Variants in INPP4B observed in about 807,000 individuals in gnomAD.
The protein encoded by INPP4B is inositol polyphosphate 4-phosphatase type II.
In INPP4B, 55 loss-of-function variants were observed where a neutral mutation model predicts 122.5. That is an observed-to-expected ratio of 0.45 (90% confidence interval 0.36 to 0.56). The LOEUF (loss-of-function observed/expected upper bound fraction) is 0.56, where lower values mean the gene tolerates loss of function less well. INPP4B is among the 20% of genes least tolerant of loss of function. INPP4B has a pLI of 0.00. For missense variants in INPP4B, 1,000 were observed against 1,097.7 expected (o/e 0.91, Z 1.26); for synonymous variants, 403 against 388.7 (o/e 1.04, Z -0.43).
At chr4:142,734,962 C>T (rs1766641868) in intron 1 of INPP4B, among the ~76,000 whole-genome samples, 1 of 152,036 alleles carries the variant, frequency 6.6e-6, no homozygotes, top group Non-Finnish European at 1.5e-5. Flanking sequence ...TAAATAATTC[C>T]TGATTTTAAA....
At chr4:142,670,616 G>A (rs1273679125) in intron 2 of INPP4B, among the ~76,000 whole-genome samples, 1 of 152,162 alleles carries the variant, frequency 6.6e-6, no homozygotes, top group Non-Finnish European at 1.5e-5. Context: ...CATGGAAGAA[G>A]AGAGTAGAAT....
intron 2 of INPP4B, among the ~76,000 whole-genome samples, chr4:142,538,469 A>G (rs777895113): frequency 4.6e-5 from 7 of 152,090 alleles, no homozygotes; most frequent in Non-Finnish European, 1.0e-4. Flanking sequence ...ACAACCATGA[A>G]CCTTTATACT....
chr4:142,817,994 G>A (rs1048275901), intron 1 of INPP4B, among the ~76,000 whole-genome samples: 1 of 152,058 alleles, frequency 6.6e-6, no homozygotes, highest in Non-Finnish European at 1.5e-5. Flanking sequence ...GAGAGTGAAA[G>A]GGAGGGAAAG....
Position 142,720,817 on chromosome 4 carries a change from A to C in INPP4B, c.-191+5022T>G, listed in dbSNP as rs56347570. Among the ~76,000 whole-genome samples the C allele has an allele frequency of 2.2e-4, 22 of 98,636 alleles. 1 individual carries two copies. The highest frequency in any genetic ancestry group is 6.8e-4 in the African/African-American group (18 of 26,634). The allele number at this position is 98,636 out of a possible 152,430, so 64.7% of individuals were successfully genotyped here. On this transcript the variant is annotated intron_variant, in intron 2 of 25. Coordinates refer to ENST00000262992, the MANE Select transcript of INPP4B (RefSeq NM_001101669.3). ...TCTCTCTCTCTCTCTCTCTATATAT[A>C]TATATATATATAGTTTTCTTATTTT...
chr4:142,660,111 C>T (rs1470831269), intron 2 of INPP4B, among the ~76,000 whole-genome samples: 2 of 152,196 alleles, frequency 1.3e-5, no homozygotes, highest in Non-Finnish European at 2.9e-5. Context: ...GTCTAGGGAA[C>T]TCCAAAGCTA....
chr4:142,654,689 A>G (rs1753799148), intron 2 of INPP4B: 1 of 152,166 alleles, frequency 6.6e-6, no homozygotes, highest in Non-Finnish European at 1.5e-5. Context: ...ATCTAACATT[A>G]CAAAGGAGAC....
rs574931320 is a variant in INPP4B, at chr4:142,114,327, T to TA, written c.2136-1646dup. On this transcript the variant is annotated intron_variant, in intron 21 of 25. Coordinates refer to ENST00000262992, the MANE Select transcript of INPP4B (RefSeq NM_001101669.3). Reference sequence around the variant, plus strand: ...TTTCATTTTCTCTTGGGGGTAAGTCTAAAAGTCATATGGTAATTTTATATT... The same window carrying TA: ...TTTCATTTTCTCTTGGGGGTAAGTCTAAAAAGTCATATGGTAATTTTATATT... Among the ~76,000 whole-genome samples the TA allele has an allele frequency of 1.3e-3, 196 of 152,178 alleles. 1 individual carries two copies. Among genetic ancestry groups the TA allele is most frequent in the African/African-American group, 4.7e-3 (194 of 41,556 alleles).
chr4:142,059,820 C>G (rs1759641770), intron 25 of INPP4B, among the ~76,000 whole-genome samples: 1 of 152,112 alleles, frequency 6.6e-6, no homozygotes, highest in Non-Finnish European at 1.5e-5. Flanking sequence ...ACTGACATGC[C>G]AGTTCACTTT....
intron 2 of INPP4B, among the ~76,000 whole-genome samples, chr4:142,671,203 G>T (rs2150631585): frequency 6.6e-6 from 1 of 152,098 alleles, no homozygotes; most frequent in Middle Eastern, 3.4e-3. Flanking sequence ...CTTTTCTCTT[G>T]AACCATATAA....
chr4:142,140,704 T>A (rs1175867558), intron 18 of INPP4B, among the ~76,000 whole-genome samples: 1 of 152,192 alleles, frequency 6.6e-6, no homozygotes, highest in African/African-American at 2.4e-5. Context: ...TGGGATAGAT[T>A]GTTTTAATCT....
chr4:142,215,144 G>C (rs890004440), intron 12 of INPP4B, among the ~76,000 whole-genome samples: 2 of 152,168 alleles, frequency 1.3e-5, no homozygotes, highest in East Asian at 3.9e-4. Context: ...AGAATAACCT[G>C]AAACCTCTTG....
chr4:142,632,052 C>A (rs947623682), intron 2 of INPP4B, among the ~76,000 whole-genome samples: 4 of 152,222 alleles, frequency 2.6e-5, no homozygotes, highest in Admixed American at 1.3e-4. Context: ...TTCTCTCAAA[C>A]AGACAAGAAT....
chr4:142,223,781 G>A (rs1850366044), intron 12 of INPP4B, among the ~76,000 whole-genome samples: 1 of 152,092 alleles, frequency 6.6e-6, no homozygotes, highest in East Asian at 1.9e-4. Flanking sequence ...ATGAACAGAA[G>A]AAATAATATT....
At chr4:142,478,884 T>TA (rs1444671636) in intron 2 of INPP4B, among the ~76,000 whole-genome samples, 1 of 152,074 alleles carries the variant, frequency 6.6e-6, no homozygotes, top group African/African-American at 2.4e-5. Flanking sequence ...AACCTAAAAC[T>TA]ATAAAAACCC....
intron 2 of INPP4B, among the ~76,000 whole-genome samples, chr4:142,504,041 C>G (rs1823709660): frequency 6.6e-6 from 1 of 151,866 alleles, no homozygotes; most frequent in Admixed American, 6.6e-5. Flanking sequence ...AATTGGAATC[C>G]CATAACTTAT....
rs564410390 is a variant in INPP4B, at chr4:142,782,060, C to A, written c.-253-56159G>T. 1.5e-3 allele frequency among the ~76,000 whole-genome samples: 228 copies of A among 151,754 alleles called. 1 individual carries two copies. The highest frequency in any genetic ancestry group is 3.4e-3 in the Middle Eastern group (1 of 294). On this transcript the variant is annotated intron_variant, in intron 1 of 25. Coordinates refer to ENST00000262992, the MANE Select transcript of INPP4B (RefSeq NM_001101669.3). ...GGTTAGTTACATATGTATACATGTG[C>A]CATGCTGGTGTGCTGCACCCATTAA...
At chr4:142,383,035 A>G (rs931378349) in intron 7 of INPP4B, among the ~76,000 whole-genome samples, 6 of 152,106 alleles carry the variant, frequency 3.9e-5, no homozygotes, top group African/African-American at 1.4e-4. Flanking sequence ...GAGATTTATT[A>G]AATGCCTCTT....
chr4:142,793,117 C>T (rs1040771197), intron 1 of INPP4B, among the ~76,000 whole-genome samples: 2 of 151,954 alleles, frequency 1.3e-5, no homozygotes, highest in Admixed American at 6.6e-5. Context: ...CAATTACACA[C>T]GTTTATTTGT....
chr4:142,332,874 G>A (rs1420832843), intron 7 of INPP4B, among the ~76,000 whole-genome samples: 13 of 151,114 alleles, frequency 8.6e-5, no homozygotes, highest in South Asian at 2.1e-4. Context: ...GGCCAGGCGT[G>A]GTGGCGGGTG....
Sources: allele counts gnomAD v4.1 joint callset (sites outside exome capture counted in the v4.1 genomes callset), GRCh38; gene constraint gnomAD v4.1.1; transcripts MANE v1.5; gene names NCBI Gene and HGNC (gene_info 2026-07-23, HGNC 2026-07-21).